The following GRID1 variants were observed in gnomAD, a reference collection of about 807,000 sequenced individuals.
GRID1 encodes the protein glutamate ionotropic receptor delta type subunit 1, also known as glutamate receptor ionotropic, delta-1.
A neutral mutation model predicts 98.0 loss-of-function variants in GRID1; 28 were observed. The observed-to-expected ratio is 0.29, with a 90% confidence interval of 0.21 to 0.39. The LOEUF is 0.39. Among genes scored for constraint, GRID1 ranks in the 10% least tolerant of loss-of-function variants. GRID1 has a pLI of 1.00. For missense variants in GRID1, 1,111 were observed against 1,340.5 expected (o/e 0.83, Z 2.67); for synonymous variants, 553 against 538.5 (o/e 1.03, Z -0.37).
intron 4 of GRID1, among the ~76,000 whole-genome samples, chr10:85,942,589 G>A (rs946882878): frequency 1.3e-5 from 2 of 152,206 alleles, no homozygotes; most frequent in African/African-American, 4.8e-5. Flanking sequence ...GGCGGACAGT[G>A]AGCCTCGGTG....
intron 2 of GRID1, among the ~76,000 whole-genome samples, chr10:86,210,618 C>T (rs1019687031): frequency 6.6e-6 from 1 of 152,214 alleles, no homozygotes; most frequent in Non-Finnish European, 1.5e-5. Context: ...GAGGTGAGCA[C>T]TGCCGGCCCA....
intron 4 of GRID1, among the ~76,000 whole-genome samples, chr10:86,102,480 T>C (rs958518660): frequency 2.0e-5 from 3 of 152,218 alleles, no homozygotes; most frequent in African/African-American, 7.2e-5. Context: ...GGACAAGGCA[T>C]TACCCCATGC....
At position 86,272,375 on chromosome 10, in the gene GRID1, G is replaced by C. The variant is rs1847198359; in HGVS notation, c.236-65727C>G. Among the ~76,000 whole-genome samples the C allele has an allele frequency of 2.0e-5, 3 of 152,178 alleles. No individual in the cohort carries two copies. In the South Asian group the frequency reaches 6.2e-4, roughly 32 times the overall value. ...TTAGTCAAGAAAAAGGCAACTTTAG[G>C]AAGGTATTGTGGCATTTTTACTTGC... On this transcript the variant is annotated intron_variant, in intron 2 of 15. Transcript: ENST00000327946.
At chr10:85,701,983 T>A (rs1409431356) in intron 12 of GRID1, among the ~76,000 whole-genome samples, 1 of 152,076 alleles carries the variant, frequency 6.6e-6, no homozygotes, top group Non-Finnish European at 1.5e-5. Flanking sequence ...CATGAAGATA[T>A]TTCCAAATTA....
intron 8 of GRID1, among the ~76,000 whole-genome samples, chr10:85,766,099 C>G (rs1298358195): frequency 6.6e-6 from 1 of 152,164 alleles, no homozygotes; most frequent in Non-Finnish European, 1.5e-5. Flanking sequence ...AGAGGAGAAA[C>G]AAGGTTTGAA....
chr10:86,050,885 G>GA (rs1843492090), intron 4 of GRID1, among the ~76,000 whole-genome samples: 2 of 141,362 alleles, frequency 1.4e-5, no homozygotes, highest in South Asian at 2.2e-4. Flanking sequence ...CAAGAACCAG[G>GA]AAAAAAAGTT....
intron 3 of GRID1, among the ~76,000 whole-genome samples, chr10:86,187,330 G>A (rs1463806859): frequency 6.6e-6 from 1 of 152,158 alleles, no homozygotes; most frequent in Non-Finnish European, 1.5e-5. Flanking sequence ...CTTACAAGAA[G>A]GCTATGATGT....
chr10:85,768,742 A>G (rs1439822405), intron 8 of GRID1, among the ~76,000 whole-genome samples: 1 of 152,370 alleles, frequency 6.6e-6, no homozygotes, highest in East Asian at 1.9e-4. Context: ...AAAGCACTGC[A>G]GTAACAAGGC....
chr10:86,240,003 A>G (rs1312337211), intron 2 of GRID1, among the ~76,000 whole-genome samples: 1 of 152,212 alleles, frequency 6.6e-6, no homozygotes, highest in Non-Finnish European at 1.5e-5. Context: ...CAGAGGGAAG[A>G]CCATGTGAAG....
At chr10:86,114,733 C>A (rs1348825853) in intron 4 of GRID1, among the ~76,000 whole-genome samples, 6 of 152,206 alleles carry the variant, frequency 3.9e-5, no homozygotes, top group Admixed American at 2.0e-4. Flanking sequence ...CTGAGTTCCG[C>A]ACTCTGTCAT....
At chr10:86,050,895 TAAA>T (rs34448773) in intron 4 of GRID1, among the ~76,000 whole-genome samples, 1 of 129,196 alleles carries the variant, frequency 7.7e-6, no homozygotes, top group Admixed American at 7.9e-5. Context: ...GAAAAAAAGT[TAAA>T]AAAAAAAAAA....
intron 6 of GRID1, among the ~76,000 whole-genome samples, chr10:85,865,653 G>A (rs534800189): frequency 1.5e-4 from 23 of 151,336 alleles, no homozygotes; most frequent in Non-Finnish European, 2.8e-4. Flanking sequence ...GAGTCTTCTC[G>A]ATAAATCTCA....
At chr10:85,919,580 C>T (rs1841672691) in intron 4 of GRID1, among the ~76,000 whole-genome samples, 1 of 152,224 alleles carries the variant, frequency 6.6e-6, no homozygotes, top group Non-Finnish European at 1.5e-5. Flanking sequence ...GCCCTAAATG[C>T]TCACACCCCA....
intron 4 of GRID1, among the ~76,000 whole-genome samples, chr10:86,100,052 G>A (rs998564422): frequency 2.6e-5 from 4 of 152,304 alleles, no homozygotes; most frequent in Admixed American, 2.0e-4. Flanking sequence ...AGCATAGCAT[G>A]GGGAGAAGTG....
At position 85,729,573 on chromosome 10, in the gene GRID1, C is replaced by A. The variant is rs760589522; in HGVS notation, c.1275G>T (p.Leu425Phe). The A allele has an allele frequency of 3.1e-6, 5 of 1,613,238 alleles. No individual in the cohort carries two copies. In the African/African-American group the frequency reaches 4.0e-5, roughly 13 times the overall value. The part of the protein sequence containing the change: ...WDSEKGLNGS[L>F]QERPMGSRLQ... Reference sequence around the variant, plus strand: ...GGCGGCTGCCCATGGGCCTCTCTTGCAAGCTGCCATTCAAGCCCTTCTCTG... The same window carrying A: ...GGCGGCTGCCCATGGGCCTCTCTTGAAAGCTGCCATTCAAGCCCTTCTCTG... Residue 425 changes from leucine (L) to phenylalanine (F), a missense_variant, in exon 9 of 16, where the codon TTG becomes TTT. Leu to Phe is a conservative substitution (Grantham distance 22). This residue lies in a region of GRID1 where 762 missense variants were observed against 869.1 expected (regional missense o/e 0.88). Coordinates refer to ENST00000327946, the MANE Select transcript of GRID1 (RefSeq NM_017551.3).
intron 5 of GRID1, among the ~76,000 whole-genome samples, chr10:85,911,807 A>G (rs191746357): frequency 1.1e-4 from 16 of 152,284 alleles, no homozygotes; most frequent in Admixed American, 2.6e-4. Context: ...CCAGACCCAC[A>G]GGGATCACTG....
At chr10:85,687,928 G>A (rs1841288183) in intron 12 of GRID1, among the ~76,000 whole-genome samples, 1 of 152,178 alleles carries the variant, frequency 6.6e-6, no homozygotes. Context: ...AAAGTGTGGG[G>A]AATACAGTAT....
intron 13 of GRID1, among the ~76,000 whole-genome samples, chr10:85,625,562 C>T (rs1171623919): frequency 6.6e-6 from 1 of 152,172 alleles, no homozygotes; most frequent in Non-Finnish European, 1.5e-5. Flanking sequence ...TGTGAGCATC[C>T]ATCCCTGGGA....
intron 2 of GRID1, among the ~76,000 whole-genome samples, chr10:86,236,486 A>G (rs1846541179): frequency 6.6e-6 from 1 of 152,180 alleles, no homozygotes. Context: ...CTTCATCCCT[A>G]GAAGTCAAGG....
Sources: allele counts gnomAD v4.1 joint callset (sites outside exome capture counted in the v4.1 genomes callset), GRCh38; gene constraint gnomAD v4.1.1; regional missense constraint gnomAD v4.1.1; transcripts MANE v1.5; gene names NCBI Gene and HGNC (gene_info 2026-07-23, HGNC 2026-07-21).